Variants in MAP3K7 observed in about 807,000 individuals in gnomAD.
MAP3K7 encodes the protein TGF-beta activated kinase 1.
A neutral mutation model predicts 84.8 loss-of-function variants in MAP3K7; 21 were observed. The observed-to-expected ratio is 0.25, with a 90% CI of 0.18 to 0.36. The LOEUF (loss-of-function observed/expected upper bound fraction) is 0.36. MAP3K7 is among the 10% of genes least tolerant of loss of function. The pLI is 1.00. For missense variants in MAP3K7, 503 were observed against 747.7 expected, an observed-to-expected ratio of 0.67 and a Z score of 3.82; for synonymous variants, 241 against 247.7, an observed-to-expected ratio of 0.97 and a Z score of 0.25.
At chr6:90,585,211 T>C (rs757632458) in intron 1 of MAP3K7, among the ~76,000 whole-genome samples, 1 of 152,214 alleles carries the variant, frequency 6.6e-6, no homozygotes, top group Non-Finnish European at 1.5e-5. Flanking sequence ...AAATGGCATA[T>C]CTGATACACT....
rs781633734 is a variant in MAP3K7 at position 90,547,212 on chromosome 6, A to T, written c.1210+46T>A. 2.2e-5 allele frequency: 35 copies of T among 1,596,974 alleles called. No individual in the cohort carries two copies. In the South Asian group the frequency reaches 3.8e-4, roughly 17 times the overall value. ...ACAACTGAAACTACCATGGCCAAAA[A>T]GGCTTATATACATTTTCACTCTTCA... On this transcript the variant is annotated intron_variant, in intron 11 of 16. Coordinates refer to ENST00000369329, the MANE Select transcript of MAP3K7 (RefSeq NM_145331.3).
intron 16 of MAP3K7, among the ~76,000 whole-genome samples, chr6:90,517,388 C>A (rs527961746): frequency 1.3e-5 from 2 of 150,154 alleles, no homozygotes; most frequent in African/African-American, 2.4e-5. Context: ...AATAAAAAGT[C>A]CTCAAGCAAA....
chr6:90,578,693 C>T (rs1777167122), intron 1 of MAP3K7, among the ~76,000 whole-genome samples: 1 of 152,132 alleles, frequency 6.6e-6, no homozygotes, highest in Admixed American at 6.5e-5. Context: ...GTATATTTTG[C>T]TCTCCTTCCC....
intron 13 of MAP3K7, among the ~76,000 whole-genome samples, chr6:90,531,613 G>C (rs1425507918): frequency 1.3e-5 from 2 of 152,060 alleles, no homozygotes; most frequent in African/African-American, 2.4e-5. Context: ...GGAAATTTCA[G>C]AATTTTATTA....
intron 1 of MAP3K7, among the ~76,000 whole-genome samples, chr6:90,575,396 T>G (rs1234782235): frequency 6.6e-6 from 1 of 152,132 alleles, no homozygotes; most frequent in Non-Finnish European, 1.5e-5. Flanking sequence ...ACTCATACCC[T>G]TCTCTTCTCA....
rs142316351 is a variant in MAP3K7 at position 90,585,324 on chromosome 6, T to C, written c.120+1440A>G. On this transcript the variant is annotated intron_variant, in intron 1 of 16. Transcript: ENST00000369329. ...TAAAGTTACTTTATGTGATAAAACA[T>C]ATATAATTCAGTAATCCATTACTCT... 6.2e-3 allele frequency among the ~76,000 whole-genome samples: 940 copies of C among 152,316 alleles called. 32 individuals carry two copies. The highest frequency in any genetic ancestry group is 0.057 in the Admixed American group (878 of 15,298).
At chr6:90,570,045 T>C (rs893413160) in intron 2 of MAP3K7, among the ~76,000 whole-genome samples, 7 of 152,150 alleles carry the variant, frequency 4.6e-5, no homozygotes, top group African/African-American at 1.7e-4. Context: ...ATTTACTATA[T>C]GAAAATATAT....
At chr6:90,524,088 A>G (rs78645387) in intron 13 of MAP3K7, among the ~76,000 whole-genome samples, 125 of 152,306 alleles carry the variant, frequency 8.2e-4, no homozygotes, top group African/African-American at 3.0e-3. Flanking sequence ...CCAATGGCCT[A>G]GAGCTACTGT....
At chr6:90,524,683 C>T (rs1487365354) in intron 13 of MAP3K7, among the ~76,000 whole-genome samples, 1 of 152,076 alleles carries the variant, frequency 6.6e-6, no homozygotes, top group Non-Finnish European at 1.5e-5. Context: ...AAAAATTTTA[C>T]TTGATAGAAG....
chr6:90,562,888 G>A (rs1776573867), intron 3 of MAP3K7, among the ~76,000 whole-genome samples: 1 of 152,152 alleles, frequency 6.6e-6, no homozygotes, highest in Non-Finnish European at 1.5e-5. Flanking sequence ...CCAGAGGAAG[G>A]ATCAAGCAGC....
chr6:90,515,569 C>T lies in MAP3K7; in HGVS notation c.*932G>A, dbSNP rs1310088038. The T allele has an allele frequency of 1.3e-5, 2 of 151,122 alleles. No homozygotes were observed. Among genetic ancestry groups the T allele is most frequent in the Admixed American group, 6.6e-5 (1 of 15,112 alleles). The allele number at this position is 151,122 out of a possible 1,614,324, so 9.4% of individuals were successfully genotyped here. On this transcript the variant is annotated 3_prime_UTR_variant, in exon 17 of 17. Coordinates refer to ENST00000369329, the MANE Select transcript of MAP3K7 (RefSeq NM_145331.3). ...TGGTATCATAAAAAGAAATCTAAGT[C>T]CAAGCTTTTTTTAGCTGGAGTAATT...
chr6:90,587,009 C>G lies in MAP3K7; in HGVS notation c.-126G>C. On this transcript the variant is annotated 5_prime_UTR_variant, in exon 1 of 17. Coordinates refer to ENST00000369329, the MANE Select transcript of MAP3K7 (RefSeq NM_145331.3). ...CGCGCAGTCCTACTACCCGGCGATC[C>G]GTGGCGGGGGTAGAGGCAGCGGCCA... 8.5e-7 allele frequency: 1 copy of G among 1,182,556 alleles called. No homozygotes were observed. Among genetic ancestry groups the G allele is most frequent in the East Asian group, 3.2e-5 (1 of 31,472 alleles). The allele number at this position is 1,182,556 out of a possible 1,614,324, so 73.3% of individuals were successfully genotyped here. A position where few individuals can be genotyped will look rare whatever the true frequency, so the allele number is the denominator to read the frequency against.
intron 3 of MAP3K7, among the ~76,000 whole-genome samples, chr6:90,566,537 A>T (rs1776711043): frequency 6.6e-6 from 1 of 152,198 alleles, no homozygotes; most frequent in Non-Finnish European, 1.5e-5. Context: ...GGAGAACTAC[A>T]AACCACTGCT....
intron 4 of MAP3K7, among the ~76,000 whole-genome samples, chr6:90,561,278 T>C (rs1015351433): frequency 2.0e-5 from 3 of 151,754 alleles, no homozygotes; most frequent in Non-Finnish European, 4.4e-5. Context: ...AATCGAAATA[T>C]GGTTAAAGAA....
intron 5 of MAP3K7, among the ~76,000 whole-genome samples, chr6:90,558,921 G>T (rs1277599571): frequency 6.6e-6 from 1 of 152,184 alleles, no homozygotes; most frequent in Non-Finnish European, 1.5e-5. Context: ...TCTGATGCTT[G>T]CCTATATCCT....
At chr6:90,549,988 T>A (rs548265251) in intron 9 of MAP3K7, among the ~76,000 whole-genome samples, 128 of 152,314 alleles carry the variant, frequency 8.4e-4, no homozygotes, top group Non-Finnish European at 1.5e-3. Flanking sequence ...ATTTCTACTA[T>A]CTTTTTGATG....
At chr6:90,583,139 C>T (rs1777334447) in intron 1 of MAP3K7, among the ~76,000 whole-genome samples, 1 of 152,074 alleles carries the variant, frequency 6.6e-6, no homozygotes, top group African/African-American at 2.4e-5. Context: ...CGCACTGGCC[C>T]TCCAAAGTGC....
chr6:90,583,489 T>G (rs577673722), intron 1 of MAP3K7, among the ~76,000 whole-genome samples: 2 of 152,354 alleles, frequency 1.3e-5, no homozygotes, highest in African/African-American at 4.8e-5. Flanking sequence ...TCATTTGCCC[T>G]GTCAACCCAG....
rs1298708074 is a variant in MAP3K7, at chr6:90,513,767, A to G, written c.*2734T>C. ...AGCGCTGAAAACCACACACATTTAT[A>G]GAAAGAAACCAAAGTTTCACAGGGA... is the stretch of plus-strand genomic sequence containing the variant. On this transcript the variant is annotated 3_prime_UTR_variant, in exon 17 of 17. Coordinates refer to ENST00000369329, the MANE Select transcript of MAP3K7 (RefSeq NM_145331.3). 6.6e-6 allele frequency: 1 copy of G among 152,128 alleles called. No individual in the cohort carries two copies. Among genetic ancestry groups the G allele is most frequent in the Non-Finnish European group, 1.5e-5 (1 of 67,994 alleles). The allele number at this position is 152,128 out of a possible 1,614,324, so 9.4% of individuals were successfully genotyped here. A position where few individuals can be genotyped will look rare whatever the true frequency, so the allele number is the denominator to read the frequency against.
Sources: gnomAD v4.1 joint callset for allele counts (sites outside exome capture counted in the v4.1 genomes callset) on GRCh38, gnomAD v4.1.1 for gene constraint, MANE v1.5 for transcripts, NCBI Gene and HGNC (gene_info 2026-07-23, HGNC 2026-07-21) for gene names.